The following KCNH5 variants were observed in gnomAD, a reference collection of about 807,000 sequenced individuals.
KCNH5 encodes potassium voltage-gated channel subfamily H member 5.
KCNH5 carries 46 observed loss-of-function variants against 96.1 expected under a neutral mutation model. That is an observed-to-expected ratio of 0.48 (90% confidence interval 0.38 to 0.61). The LOEUF (loss-of-function observed/expected upper bound fraction) is 0.61, where lower values mean the gene tolerates loss of function less well. Among genes scored for constraint, KCNH5 ranks in the 20% least tolerant of loss-of-function variants. The probability of loss-of-function intolerance (pLI) is 0.00; values close to 1 mark genes in which losing one functional copy is unlikely to be tolerated. For missense variants in KCNH5, 907 were observed against 1,225.8 expected, an observed-to-expected ratio of 0.74 and a Z score of 3.88; for synonymous variants, 439 against 449.8, an observed-to-expected ratio of 0.98 and a Z score of 0.30.
chr14:62,853,824 T>C (rs924923937), intron 7 of KCNH5, among the ~76,000 whole-genome samples: 3 of 151,488 alleles, frequency 2.0e-5, no homozygotes, highest in African/African-American at 7.3e-5. Flanking sequence ...CTCACCAACA[T>C]GGTGAAACCC....
At chr14:62,799,863 A>G in intron 9 of KCNH5, among the ~76,000 whole-genome samples, 1 of 144,144 alleles carries the variant, frequency 6.9e-6, no homozygotes, top group Non-Finnish European at 1.5e-5. Flanking sequence ...AATATTTAAT[A>G]TATATATAAT....
rs2139892293 is a variant in KCNH5 at position 62,699,761 on chromosome 14, C to G, written c.*7747G>C. ...CAAAGTTAAAATATTTTCACACATC[C>G]TGTCAGCAGTCAGGTGATAGGTCAA... On this transcript the variant is annotated 3_prime_UTR_variant, in exon 11 of 11. Transcript: ENST00000322893. The G allele has an allele frequency of 6.6e-6, 1 of 152,266 alleles. No individual in the cohort carries two copies. The highest frequency in any genetic ancestry group is 2.1e-4 in the South Asian group (1 of 4,830). The allele number at this position is 152,266 out of a possible 1,614,324, so 9.4% of individuals were successfully genotyped here.
chr14:62,951,005 C>G (rs781356059), intron 6 of KCNH5, among the ~76,000 whole-genome samples: 1 of 152,072 alleles, frequency 6.6e-6, no homozygotes, highest in Non-Finnish European at 1.5e-5. Context: ...CTACAAATAG[C>G]AGAACTCTGA....
intron 10 of KCNH5, among the ~76,000 whole-genome samples, chr14:62,769,742 T>C (rs1291329790): frequency 6.6e-6 from 1 of 152,234 alleles, no homozygotes; most frequent in African/African-American, 2.4e-5. Flanking sequence ...TCAGTGATGA[T>C]AAAAACTGCT....
Position 62,980,906 on chromosome 14 carries a change from T to A in KCNH5, c.908A>T (p.Tyr303Phe). 1.2e-6 allele frequency: 2 copies of A among 1,614,062 alleles called. No individual in the cohort carries two copies. Among genetic ancestry groups the A allele is most frequent in the Non-Finnish European group, 1.7e-6 (2 of 1,180,008 alleles). The change falls in exon 6 of 11, where the codon TAT becomes TTT. Residue 303 changes from tyrosine (Y) to phenylalanine (F), a missense_variant. Tyr to Phe is a conservative substitution (Grantham distance 22). Coordinates refer to ENST00000322893, the MANE Select transcript of KCNH5 (RefSeq NM_139318.5). ...FVIDLLSCLP[Y>F]DIINAFENVD... ...ATTTTCAAAGGCATTGATGATGTCA[T>A]AAGGTAAACAAGACAGCAGATCGAT... is the stretch of plus-strand genomic sequence containing the variant.
At chr14:63,002,443 C>T (rs1891028286) in intron 3 of KCNH5, among the ~76,000 whole-genome samples, 1 of 152,148 alleles carries the variant, frequency 6.6e-6, no homozygotes, top group African/African-American at 2.4e-5. Flanking sequence ...ACACTTTTCT[C>T]ATTATATTCT....
intron 7 of KCNH5, among the ~76,000 whole-genome samples, chr14:62,883,235 T>C (rs1047130218): frequency 6.6e-6 from 1 of 152,230 alleles, no homozygotes; most frequent in African/African-American, 2.4e-5. Flanking sequence ...TGAGTAAGAA[T>C]TGGATATATT....
intron 7 of KCNH5, among the ~76,000 whole-genome samples, chr14:62,855,382 C>T (rs1221571847): frequency 6.6e-6 from 1 of 152,170 alleles, no homozygotes; most frequent in African/African-American, 2.4e-5. Context: ...AGCTTGAGAA[C>T]ATCAGCCTAC....
intron 8 of KCNH5, among the ~76,000 whole-genome samples, chr14:62,845,874 A>C (rs1887681043): frequency 6.6e-6 from 1 of 152,206 alleles, no homozygotes; most frequent in African/African-American, 2.4e-5. Context: ...AAGTATGAAC[A>C]CTGGGTGGTG....
chr14:62,840,756 G>C (rs1956019), intron 8 of KCNH5, among the ~76,000 whole-genome samples: 16,208 of 151,120 alleles, frequency 0.11, 1,091 homozygotes, highest in East Asian at 0.29. Context: ...TTTTAGTAGA[G>C]ACAGGGTTTC....
intron 10 of KCNH5, among the ~76,000 whole-genome samples, chr14:62,775,863 G>A (rs914708689): frequency 1.7e-4 from 26 of 152,118 alleles, no homozygotes; most frequent in African/African-American, 6.0e-4. Flanking sequence ...ATTATCTACA[G>A]CTTTGCTATT....
intron 10 of KCNH5, among the ~76,000 whole-genome samples, chr14:62,721,497 T>C (rs901160062): frequency 2.0e-5 from 1 of 49,044 alleles, no homozygotes; most frequent in African/African-American, 5.4e-5. Context: ...TCTCACTCAC[T>C]CGCTCTCTCT....
chr14:62,971,725 G>C (rs1890411568), intron 6 of KCNH5, among the ~76,000 whole-genome samples: 1 of 151,590 alleles, frequency 6.6e-6, no homozygotes, highest in Admixed American at 6.6e-5. Flanking sequence ...ATAAATCTTA[G>C]ACAAAGGCAA....
At chr14:63,032,463 C>T (rs1369804275) in intron 1 of KCNH5, among the ~76,000 whole-genome samples, 1 of 152,104 alleles carries the variant, frequency 6.6e-6, no homozygotes, top group African/African-American at 2.4e-5. Context: ...AAATCGATGC[C>T]TATGAAGGAA....
intron 7 of KCNH5, among the ~76,000 whole-genome samples, chr14:62,853,699 T>C (rs995527167): frequency 2.6e-5 from 4 of 151,616 alleles, no homozygotes; most frequent in Middle Eastern, 3.4e-3. Context: ...CGCTCCTCAT[T>C]CAGGTCTCTG....
intron 4 of KCNH5, among the ~76,000 whole-genome samples, chr14:62,998,833 T>A (rs1160616375): frequency 1.3e-5 from 2 of 152,228 alleles, no homozygotes; most frequent in Non-Finnish European, 2.9e-5. Context: ...TATATTTTTT[T>A]AAATTTATTA....
chr14:62,940,958 G>T (rs1313295757), intron 7 of KCNH5, among the ~76,000 whole-genome samples: 1 of 152,304 alleles, frequency 6.6e-6, no homozygotes, highest in East Asian at 1.9e-4. Context: ...CATAGTATAA[G>T]AACAGATGAG....
chr14:62,803,972 T>C (rs1054910771), intron 8 of KCNH5, among the ~76,000 whole-genome samples: 1 of 152,236 alleles, frequency 6.6e-6, no homozygotes, highest in African/African-American at 2.4e-5. Context: ...TTTCCTCTAC[T>C]AATTGCATTT....
chr14:62,838,958 TGATACTTTAGAA>T (rs1463105028), intron 8 of KCNH5, among the ~76,000 whole-genome samples: 3 of 152,272 alleles, frequency 2.0e-5, no homozygotes, highest in South Asian at 4.1e-4. Flanking sequence ...GTAGCTCATT[TGATACTTTAGAA>T]GAAATAAGCT....
Sources: gnomAD v4.1 joint callset for allele counts (sites outside exome capture counted in the v4.1 genomes callset) on GRCh38, gnomAD v4.1.1 for gene constraint, MANE v1.5 for transcripts, NCBI Gene and HGNC (gene_info 2026-07-23, HGNC 2026-07-21) for gene names.